Variants in SCUBE1 observed in about 807,000 individuals in gnomAD.
SCUBE1 encodes the protein signal peptide, CUB domain and EGF like domain containing 1.
Under a neutral mutation model 124.4 loss-of-function variants are expected in SCUBE1, and 59 were observed. That is an observed-to-expected ratio of 0.47 (90% CI 0.38 to 0.59). SCUBE1 has a LOEUF of 0.59. Ranked by LOEUF, SCUBE1 falls within the 20% of genes least tolerant of loss-of-function variation. The probability of loss-of-function intolerance (pLI) is 0.00; values close to 1 mark genes in which losing one functional copy is unlikely to be tolerated. For synonymous variants in SCUBE1, 545 were observed against 550.9 expected, an observed-to-expected ratio of 0.99 and a Z score of 0.15; for missense variants, 1,150 against 1,371.2, an observed-to-expected ratio of 0.84 and a Z score of 2.55.
chr22:43,255,860 G>C lies in SCUBE1; in HGVS notation c.727+2359C>G, dbSNP rs1182048726. On this transcript the variant is annotated intron_variant, in intron 6 of 21. Transcript: ENST00000360835. The surrounding 1 kb of genome is among the most constrained non-coding windows in gnomAD (Gnocchi z 4.7). ...GAGGGGACTCAGGGCCCATGGGCAA[G>C]CAAACAGAGAAGGAGGCTGAGGTCA... is the stretch of plus-strand genomic sequence containing the variant. Among the ~76,000 whole-genome samples the C allele has an allele frequency of 6.6e-6, 1 of 152,132 alleles. No homozygotes were observed. The highest frequency in any genetic ancestry group is 2.4e-5 in the African/African-American group (1 of 41,388).
intron 5 of SCUBE1, among the ~76,000 whole-genome samples, chr22:43,260,864 C>T (rs558159952): frequency 1.3e-5 from 2 of 152,292 alleles, no homozygotes; most frequent in East Asian, 3.9e-4. Context: ...CCTGCCTAGT[C>T]CCTGACCTCT....
At chr22:43,302,714 C>T (rs923103443) in intron 3 of SCUBE1, among the ~76,000 whole-genome samples, 2 of 152,176 alleles carry the variant, frequency 1.3e-5, no homozygotes, top group African/African-American at 4.8e-5. Flanking sequence ...CCTGGCTGGA[C>T]ATCTGTAGGA....
intron 2 of SCUBE1, among the ~76,000 whole-genome samples, chr22:43,332,076 C>T (rs1171185721): frequency 6.6e-6 from 1 of 152,116 alleles, no homozygotes. Flanking sequence ...CACTTGAGGT[C>T]AGGAGTTCGA....
intron 10 of SCUBE1, among the ~76,000 whole-genome samples, chr22:43,227,005 AG>A (rs1299816260): frequency 6.6e-6 from 1 of 152,108 alleles, no homozygotes. Flanking sequence ...GGAAGCTACC[AG>A]AGGAGAGGCC....
At chr22:43,254,566 G>C (rs1258880531) in intron 6 of SCUBE1, among the ~76,000 whole-genome samples, 1 of 152,184 alleles carries the variant, frequency 6.6e-6, no homozygotes, top group African/African-American at 2.4e-5. Flanking sequence ...CTGCAGGGTG[G>C]TGTGGGACTT....
At position 43,255,421 on chromosome 22, in the gene SCUBE1, G is replaced by A. The variant is rs956190436; in HGVS notation, c.727+2798C>T. On this transcript the variant is annotated intron_variant, in intron 6 of 21. Transcript: ENST00000360835. The surrounding 1 kb of genome is among the most constrained non-coding windows in gnomAD (Gnocchi z 4.7). ...CATGTCCACATGCCAGTGCGCACCC[G>A]AGACACACATGTGCACACACACACA... 5.8e-6 allele frequency: 8 copies of A among 1,387,626 alleles called. No homozygotes were observed. Among genetic ancestry groups the A allele is most frequent in the Admixed American group, 3.9e-5 (2 of 50,740 alleles). 86.0% of individuals were successfully genotyped at this position (1,387,626 alleles called of 1,614,324 possible).
rs1170931480 is a variant in SCUBE1, at chr22:43,291,038, G to A, written c.484+8C>T. The A allele has an allele frequency of 4.4e-6, 7 of 1,600,780 alleles. No homozygotes were observed. Among genetic ancestry groups the A allele is most frequent in the East Asian group, 4.5e-5 (2 of 44,522 alleles). The stretch of plus-strand genomic sequence containing the variant: ...GGGACATGCCTGGTCAGCATAGGCT[G>A]TACTCACCATTGGAGCGGTGGATGC... On this transcript the variant is annotated splice_region_variant and intron_variant, in intron 4 of 21. Coordinates refer to ENST00000360835, the MANE Select transcript of SCUBE1 (RefSeq NM_173050.5).
intron 6 of SCUBE1, among the ~76,000 whole-genome samples, chr22:43,251,970 C>G (rs1923468224): frequency 6.6e-6 from 1 of 152,176 alleles, no homozygotes; most frequent in Admixed American, 6.5e-5. Context: ...ATGCAGCACC[C>G]CACGCTGGGT....
intron 4 of SCUBE1, among the ~76,000 whole-genome samples, chr22:43,271,496 C>A (rs1337568208): frequency 6.6e-6 from 1 of 152,178 alleles, no homozygotes; most frequent in African/African-American, 2.4e-5. Flanking sequence ...TGCTTGTCTG[C>A]AGGCCCAGAC....
intron 4 of SCUBE1, among the ~76,000 whole-genome samples, chr22:43,275,443 C>A (rs375074188): frequency 3.9e-5 from 6 of 152,186 alleles, no homozygotes; most frequent in African/African-American, 1.4e-4. Context: ...CACTCCCATG[C>A]GGCATGTTTT....
Position 43,200,984 on chromosome 22 carries a change from TC to T in SCUBE1, c.*3012del, listed in dbSNP as rs1428224058. 2.0e-5 allele frequency: 3 copies of T among 152,018 alleles called. No homozygotes were observed. In the East Asian group the frequency reaches 5.8e-4, roughly 29 times the overall value. The allele number at this position is 152,018 out of a possible 1,614,324, so 9.4% of individuals were successfully genotyped here. ...GAAAGAGCTCAGAGAGGTTAAGAGCTCTTTCTGTTTCTGGAAAGGATTAAAA... is the reference window on the plus strand; with the variant it reads ...GAAAGAGCTCAGAGAGGTTAAGAGCTTTTCTGTTTCTGGAAAGGATTAAAA... On this transcript the variant is annotated 3_prime_UTR_variant, in exon 22 of 22. Coordinates refer to ENST00000360835, the MANE Select transcript of SCUBE1 (RefSeq NM_173050.5).
chr22:43,233,036 G>A (rs1922617544), intron 7 of SCUBE1, among the ~76,000 whole-genome samples: 2 of 152,316 alleles, frequency 1.3e-5, no homozygotes, highest in East Asian at 3.9e-4. Context: ...AAAAATAAGA[G>A]GTTTTATTTC....
At chr22:43,313,274 G>T (rs909620920) in intron 3 of SCUBE1, among the ~76,000 whole-genome samples, 4 of 152,186 alleles carry the variant, frequency 2.6e-5, no homozygotes, top group African/African-American at 9.6e-5. Context: ...TCTGAACCTG[G>T]ATACAGATGA....
intron 4 of SCUBE1, among the ~76,000 whole-genome samples, chr22:43,270,995 G>A (rs879554108): frequency 9.2e-5 from 14 of 152,120 alleles, no homozygotes; most frequent in Non-Finnish European, 1.5e-4. Flanking sequence ...GCAGCCTCCC[G>A]GCCGCCCTGC....
At chr22:43,212,743 G>A (rs1452012407) in intron 16 of SCUBE1, 151 bp from the exon 17 acceptor site, 3 of 728,542 alleles carry the variant, frequency 4.1e-6, no homozygotes, top group Admixed American at 3.0e-5. Flanking sequence ...TGGGGAAAAC[G>A]CAGCAGCCGG....
intron 3 of SCUBE1, among the ~76,000 whole-genome samples, chr22:43,315,214 C>T (rs921457372): frequency 2.0e-5 from 3 of 152,016 alleles, no homozygotes; most frequent in Non-Finnish European, 4.4e-5. Context: ...TACACAAGCT[C>T]TGCACAATCT....
intron 3 of SCUBE1, among the ~76,000 whole-genome samples, chr22:43,309,730 C>G (rs894849386): frequency 5.9e-5 from 9 of 152,150 alleles, no homozygotes; most frequent in Non-Finnish European, 1.2e-4. Flanking sequence ...CTGTCCTCCC[C>G]CTAGCCTTCC....
Position 43,210,458 on chromosome 22 carries a change from CCT to C in SCUBE1, c.2384-220_2384-219del, listed in dbSNP as rs773229865. ...GGTCCCCTGTTCAGGCCTGTGGTTC[CCT>C]GAGGCCCAGCCTGGGGGCTTCTTCT... is the stretch of plus-strand genomic sequence containing the variant. On this transcript the variant is annotated intron_variant, in intron 18 of 21. Coordinates refer to ENST00000360835, the MANE Select transcript of SCUBE1 (RefSeq NM_173050.5). This position sits in a 1 kb window ranked among gnomAD's most constrained non-coding sequence, Gnocchi z 4.5. 1.1e-3 allele frequency among the ~76,000 whole-genome samples: 171 copies of C among 151,150 alleles called. No individual in the cohort carries two copies. The highest frequency in any genetic ancestry group is 2.0e-3 in the Non-Finnish European group (139 of 67,960).
At chr22:43,317,895 G>A (rs1250174663) in intron 3 of SCUBE1, among the ~76,000 whole-genome samples, 1 of 152,184 alleles carries the variant, frequency 6.6e-6, no homozygotes, top group Non-Finnish European at 1.5e-5. Flanking sequence ...CATAAAAAAG[G>A]AAAATTTGGA....
Sources: allele counts gnomAD v4.1 joint callset (sites outside exome capture counted in the v4.1 genomes callset), GRCh38; gene constraint gnomAD v4.1.1; non-coding constraint Gnocchi (gnomAD v3.1); transcripts MANE v1.5; gene names NCBI Gene and HGNC (gene_info 2026-07-23, HGNC 2026-07-21).